The following ZNF69 variants were observed in gnomAD, a reference collection of about 807,000 sequenced individuals.
ZNF69 encodes ZNF3.
In ZNF69, 47 loss-of-function variants were observed where a neutral mutation model predicts 50.9. The ratio of observed to expected loss-of-function variants is 0.92; its 90% CI spans 0.73 to 1.18. The LOEUF (loss-of-function observed/expected upper bound fraction) is 1.18. Among genes scored for constraint, ZNF69 ranks in the 50% most tolerant of loss-of-function variants. ZNF69 has a pLI of 0.00. For synonymous variants in ZNF69, 216 were observed against 223.1 expected, an observed-to-expected ratio of 0.97 and a Z score of 0.29; for missense variants, 717 against 675.1, an observed-to-expected ratio of 1.06 and a Z score of -0.69.
chr19:11,926,490 G>C, the ZNF69 span: 1 of 152,494 alleles, frequency 6.6e-6, no homozygotes, highest in Non-Finnish European at 1.5e-5. Flanking sequence ...CCGGGTTCAA[G>C]TGATTCTCCT....
chr19:11,902,837 A>G (rs565919239), intron 1 of ZNF69, among the ~76,000 whole-genome samples: 1 of 152,216 alleles, frequency 6.6e-6, no homozygotes, highest in Non-Finnish European at 1.5e-5. Flanking sequence ...CTCTGTCATG[A>G]CAGATGCTAC....
At chr19:11,965,480 G>T in the ZNF69 span, among the ~76,000 whole-genome samples, 1 of 152,226 alleles carries the variant, frequency 6.6e-6, no homozygotes, top group Admixed American at 6.5e-5. Context: ...GCAGCCCCGC[G>T]TCTCCCCAGA....
the ZNF69 span, chr19:11,965,079 T>C: frequency 8.2e-7 from 1 of 1,221,578 alleles, no homozygotes; most frequent in Non-Finnish European, 1.2e-6. Flanking sequence ...GTGGTTGATA[T>C]CCGCTGTATC....
At chr19:11,926,210 A>T in the ZNF69 span, among the ~76,000 whole-genome samples, 1 of 152,100 alleles carries the variant, frequency 6.6e-6, no homozygotes. Flanking sequence ...TTTGTTTGTA[A>T]GTTAGTATCT....
At chr19:11,968,256 AT>A in the ZNF69 span, among the ~76,000 whole-genome samples, 7,410 of 149,446 alleles carry the variant, frequency 0.05, 372 homozygotes, top group African/African-American at 0.13. Context: ...CAATAATTTA[AT>A]TTTTTTTTTT....
intron 4 of ZNF69, among the ~76,000 whole-genome samples, chr19:11,912,608 C>A (rs753791676): frequency 3.3e-5 from 5 of 152,118 alleles, no homozygotes; most frequent in Non-Finnish European, 5.9e-5. Flanking sequence ...GGGAGAGAAA[C>A]CCTATGAGTG....
At chr19:11,915,040 C>G (rs566730102), downstream of ZNF69, among the ~76,000 whole-genome samples, 62 of 152,272 alleles carry the variant, frequency 4.1e-4, 1 homozygote, top group Middle Eastern at 0.01. Flanking sequence ...CCTGTCTCTA[C>G]TAAAAATACA....
In ZNF69 at chr19:11,897,829, G is replaced by A. The variant is rs376082672; in HGVS notation, c.64-5744G>A. Reference sequence around the variant, plus strand: ...GGAGGTTGCAGTGAGCCAAGATGGCGCCACTGCACTCCAGCCTGGGTGAGA... The same window carrying A: ...GGAGGTTGCAGTGAGCCAAGATGGCACCACTGCACTCCAGCCTGGGTGAGA... On this transcript the variant is annotated intron_variant, in intron 1 of 3. Coordinates refer to ENST00000429654, the MANE Select transcript of ZNF69 (RefSeq NM_001364730.1). Among the ~76,000 whole-genome samples the A allele has an allele frequency of 5.0e-3, 723 of 143,430 alleles. 3 individuals carry two copies. Among genetic ancestry groups the A allele is most frequent in the Middle Eastern group, 0.021 (5 of 242 alleles). 94.1% of individuals were successfully genotyped at this position (143,430 alleles called of 152,430 possible).
At chr19:11,889,078 A>C (rs1467298966) in intron 1 of ZNF69, among the ~76,000 whole-genome samples, 1 of 152,086 alleles carries the variant, frequency 6.6e-6, no homozygotes, top group Non-Finnish European at 1.5e-5. Flanking sequence ...GAGAGTGTGA[A>C]GCTTTGTCTA....
chr19:11,903,657 A>G lies in ZNF69; in HGVS notation c.148A>G (p.Lys50Glu). The change falls in exon 2 of 4, where the codon AAG becomes GAG. Residue 50 changes from lysine (K) to glutamate (E), a missense_variant. By Grantham distance (56) the Lys-to-Glu change is moderately conservative. Coordinates refer to ENST00000429654, the MANE Select transcript of ZNF69 (RefSeq NM_001364730.1). ...LLDISQRKLY[K>E]EVMLETFRNL... is the part of the protein sequence containing the mutation. ...GGATATTTCCCAGAGGAAACTCTAC[A>G]AGGAAGTGATGCTGGAAACTTTCAG... 6.2e-7 allele frequency: 1 copy of G among 1,614,110 alleles called. No individual in the cohort carries two copies. The highest frequency in any genetic ancestry group is 1.1e-5 in the South Asian group (1 of 91,072).
At position 11,905,645 on chromosome 19, in the gene ZNF69, T is replaced by C. The variant is rs773321009; in HGVS notation, c.1248T>C (p.Tyr416=). The change falls in exon 4 of 4, where the codon TAT becomes TAC. Residue 416 remains tyrosine (Y), a synonymous_variant. Transcript: ENST00000429654. ...GGATTCACACTGGAGAGAAACCCTA[T>C]GAGTGTAAGCAATGTGGGAAGGCCT... The part of the protein sequence containing the change: ...HERIHTGEKP[Y]ECKQCGKAFR... 6.2e-6 allele frequency: 10 copies of C among 1,613,924 alleles called. No individual in the cohort carries two copies. Among genetic ancestry groups the C allele is most frequent in the Admixed American group, 1.7e-5 (1 of 59,978 alleles).
the ZNF69 span, among the ~76,000 whole-genome samples, chr19:11,932,747 C>T: frequency 1.4e-5 from 2 of 145,678 alleles, no homozygotes; most frequent in Admixed American, 6.8e-5. Context: ...ACGCCATTCT[C>T]CTGTCTCAGC....
At chr19:11,924,024 C>T in the ZNF69 span, among the ~76,000 whole-genome samples, 11 of 152,312 alleles carry the variant, frequency 7.2e-5, no homozygotes, top group South Asian at 2.1e-4. Flanking sequence ...CATGTGCAGA[C>T]GCATTTGTGG....
the ZNF69 span, among the ~76,000 whole-genome samples, chr19:11,934,937 T>A: frequency 6.8e-6 from 1 of 147,354 alleles, no homozygotes; most frequent in African/African-American, 2.7e-5. Flanking sequence ...TCCCAGCACT[T>A]TGGGAGGCCA....
Position 11,905,273 on chromosome 19 carries a change from T to C in ZNF69, c.876T>C (p.Arg292=). The C allele has an allele frequency of 6.2e-7, 1 of 1,613,870 alleles. No homozygotes were observed. Among genetic ancestry groups the C allele is most frequent in the Non-Finnish European group, 8.5e-7 (1 of 1,179,958 alleles). Residue 292 remains arginine, a synonymous_variant, in exon 4 of 4, where the codon CGT becomes CGC. Transcript: ENST00000429654. Reference sequence around the variant, plus strand: ...CATTTCATAGTCCCAGATGCTATCGTAGACATGAAAGGATTCACACGGGAG... The same window carrying C: ...CATTTCATAGTCCCAGATGCTATCGCAGACATGAAAGGATTCACACGGGAG... ...GKAFHSPRCY[R]RHERIHTGEK...
the ZNF69 span, among the ~76,000 whole-genome samples, chr19:11,972,859 AAGC>A: frequency 1.3e-5 from 2 of 152,226 alleles, no homozygotes; most frequent in South Asian, 4.1e-4. Flanking sequence ...AGGGAGGCTG[AAGC>A]AAGAGGACAG....
At chr19:11,909,714 A>G (rs1037583489), downstream of ZNF69, among the ~76,000 whole-genome samples, 8 of 152,158 alleles carry the variant, frequency 5.3e-5, no homozygotes, top group African/African-American at 1.7e-4. Flanking sequence ...TCAATATCAT[A>G]TACTGAATGG....
chr19:11,904,846 G>C lies in ZNF69; in HGVS notation c.449G>C (p.Gly150Ala), dbSNP rs1440468279. The part of the protein sequence containing the change: ...SFNMNIRGDI[G>A]HKAYEYQEYG... ...AATATGAACATCAGAGGTGACATTG[G>C]ACACAAGGCCTATGAGTATCAGGAA... The change falls in exon 4 of 4, where the codon GGA becomes GCA. Residue 150 changes from glycine (G) to alanine (A), a missense_variant. Transcript: ENST00000429654. 6.2e-7 allele frequency: 1 copy of C among 1,614,078 alleles called. No individual in the cohort carries two copies.
Position 11,889,910 on chromosome 19 carries a change from T to C in ZNF69, c.63+1924T>C, listed in dbSNP as rs940083831. Among the ~76,000 whole-genome samples the C allele has an allele frequency of 2.0e-5, 3 of 152,110 alleles. No individual in the cohort carries two copies. The South Asian group carries it at 6.2e-4, about 32-fold the overall frequency. On this transcript the variant is annotated intron_variant, in intron 1 of 3. Transcript: ENST00000429654. ...CAAAGGAACCTGTATCATGAATAAGTTCAAGGAAAGATACTGTGCCTGGAT... is the reference window on the plus strand; with the variant it reads ...CAAAGGAACCTGTATCATGAATAAGCTCAAGGAAAGATACTGTGCCTGGAT...
Sources: gnomAD v4.1 joint callset for allele counts (sites outside exome capture counted in the v4.1 genomes callset) on GRCh38, gnomAD v4.1.1 for gene constraint, MANE v1.5 for transcripts, NCBI Gene and HGNC (gene_info 2026-07-23, HGNC 2026-07-21) for gene names.